The following CLEC1B variants were observed in gnomAD, a reference collection of about 807,000 sequenced individuals.
CLEC1B encodes C-type lectin-like receptor 2.
In CLEC1B, 26 loss-of-function variants were observed where a neutral mutation model predicts 26.7. The ratio of observed to expected loss-of-function variants is 0.97; its 90% confidence interval spans 0.71 to 1.35. CLEC1B has a LOEUF of 1.35. Among genes scored for constraint, CLEC1B ranks in the 40% most tolerant of loss-of-function variants. The probability of loss-of-function intolerance (pLI) is 0.00; values close to 1 mark genes in which losing one functional copy is unlikely to be tolerated. For missense variants in CLEC1B, 293 were observed against 282.6 expected, an observed-to-expected ratio of 1.04 and a Z score of -0.26; for synonymous variants, 112 against 96.0, an observed-to-expected ratio of 1.17 and a Z score of -0.97.
At chr12:9,996,660 G>T (rs1591851006) in intron 4 of CLEC1B, 186 bp downstream of exon 4, 8 of 712,354 alleles carry the variant, frequency 1.1e-5, no homozygotes, top group Non-Finnish European at 2.0e-5. Context: ...CTCTATCAGT[G>T]TTGTAGAATA....
chr12:9,995,075 A>G, intron 5 of CLEC1B, 65 bp downstream of exon 5: 1 of 1,601,786 alleles, frequency 6.2e-7, no homozygotes, highest in East Asian at 2.2e-5. Flanking sequence ...GGACTGAGAG[A>G]AGAGGGAATC....
At position 9,998,216 on chromosome 12, in the gene CLEC1B, G is replaced by A. The variant is rs189286367; in HGVS notation, c.163+66C>T. ...AATAGCGACCATTGAGAAGCTTAGT[G>A]GGATATGCCATGACCCTTCAGTATT... is the stretch of plus-strand genomic sequence containing the variant. On this transcript the variant is annotated intron_variant, in intron 2 of 5. Coordinates refer to ENST00000298527, the MANE Select transcript of CLEC1B (RefSeq NM_016509.4). 1.5e-3 allele frequency: 1,742 copies of A among 1,189,012 alleles called. 5 individuals carry two copies. The highest frequency in any genetic ancestry group is 3.4e-3 in the Admixed American group (200 of 59,238). 73.7% of individuals were successfully genotyped at this position (1,189,012 alleles called of 1,614,324 possible).
At position 9,998,340 on chromosome 12, in the gene CLEC1B, CA is replaced by C; in HGVS notation, c.104del (p.Leu35Ter). On this transcript the variant is annotated frameshift_variant, in exon 2 of 6. Coordinates refer to ENST00000298527, the MANE Select transcript of CLEC1B (RefSeq NM_016509.4). LOFTEE classifies it high-confidence loss of function. ...TCCCCACGCACAGGATCAGCAGAAT[CA>C]AAGCCATCACACGCCACCAGGAGGA... Reference protein sequence around the residue: ...ASSSWWRVMALILLILCVGMV... With the variant: ...ASSSWWRVMAXILLILCVGMV... 1 of 1,614,036 alleles carries C rather than the reference CA, an allele frequency of 6.2e-7. No homozygotes were observed. Among genetic ancestry groups the C allele is most frequent in the Middle Eastern group, 1.6e-4 (1 of 6,062 alleles).
rs139618235 is a variant in CLEC1B at position 9,994,884 on chromosome 12, T to C, written c.545+256A>G. On this transcript the variant is annotated intron_variant, in intron 5 of 5. Coordinates refer to ENST00000298527, the MANE Select transcript of CLEC1B (RefSeq NM_016509.4). ...ACACATACATGCACACAGTGTTCCA[T>C]GGTAAGGTTGAATGTAAAAATGAAT... The C allele has an allele frequency of 1.2e-3, 918 of 790,184 alleles. 6 individuals are homozygous for C. The African/African-American group carries it at 0.014, about 12-fold the overall frequency. 48.9% of individuals were successfully genotyped at this position (790,184 alleles called of 1,614,324 possible).
At chr12:9,997,526 A>T (rs1039368282) in intron 2 of CLEC1B, among the ~76,000 whole-genome samples, 4 of 152,186 alleles carry the variant, frequency 2.6e-5, no homozygotes, top group Admixed American at 2.6e-4. Context: ...AAAAAATCCC[A>T]ACATCGATAA....
At chr12:9,998,986 C>A in intron 1 of CLEC1B, 51 bp downstream of exon 1, 1 of 1,036,806 alleles carries the variant, frequency 9.6e-7, no homozygotes, top group Non-Finnish European at 1.5e-6. Context: ...AGAATTGAAT[C>A]AACTCATTTT....
At chr12:10,000,593 G>A (rs564844), upstream of CLEC1B, among the ~76,000 whole-genome samples, 13,365 of 152,206 alleles carry the variant, frequency 0.088, 789 homozygotes, top group South Asian at 0.32. Context: ...TTGTTGCTGT[G>A]TTTCTTATCT....
In CLEC1B at chr12:9,993,409, A is replaced by AG; in HGVS notation, c.546-123_546-122insC. On this transcript the variant is annotated intron_variant, in intron 5 of 5. Coordinates refer to ENST00000298527, the MANE Select transcript of CLEC1B (RefSeq NM_016509.4). The stretch of plus-strand genomic sequence containing the variant: ...TGAGGAAAATAGGAAAAAAAAACAA[A>AG]AAAAAAAACGATTCTCATTGTTGAG... The AG allele has an allele frequency of 2.7e-6, 2 of 745,462 alleles. 1 individual carries two copies. The highest frequency in any genetic ancestry group is 4.2e-6 in the Non-Finnish European group (2 of 472,562). 46.2% of individuals were successfully genotyped at this position (745,462 alleles called of 1,614,324 possible).
upstream of CLEC1B, among the ~76,000 whole-genome samples, chr12:10,001,263 C>G (rs994723835): frequency 7.9e-5 from 12 of 152,184 alleles, no homozygotes; most frequent in African/African-American, 2.9e-4. Context: ...TTTTTGTAAA[C>G]CACCAGGAAT....
intron 5 of CLEC1B, 82 bp downstream of exon 5, chr12:9,995,058 G>A (rs1225421387): frequency 6.3e-7 from 1 of 1,595,216 alleles, no homozygotes; most frequent in East Asian, 2.3e-5. Flanking sequence ...ACCCATAGTA[G>A]TGACTTGGAC....
chr12:10,000,397 A>G (rs1865144572), upstream of CLEC1B, among the ~76,000 whole-genome samples: 1 of 152,196 alleles, frequency 6.6e-6, no homozygotes, highest in African/African-American at 2.4e-5. Flanking sequence ...TATTTTGAGA[A>G]TGAGGTGAAG....
chr12:9,997,321 C>T (rs776694737), intron 2 of CLEC1B, 42 bp from the exon 3 acceptor site: 2 of 1,558,698 alleles, frequency 1.3e-6, no homozygotes, highest in East Asian at 2.3e-5. Context: ...TAATTAGAAC[C>T]ATAGAAATGA....
At chr12:9,993,405 A>T in intron 5 of CLEC1B, 118 bp from the exon 6 acceptor site, 1 of 668,260 alleles carries the variant, frequency 1.5e-6, no homozygotes, top group Non-Finnish European at 2.3e-6. Context: ...GGAAAAAAAA[A>T]CAAAAAAAAA....
At chr12:9,993,549 G>T (rs1012999393) in intron 5 of CLEC1B, among the ~76,000 whole-genome samples, 1 of 152,124 alleles carries the variant, frequency 6.6e-6, no homozygotes, top group Admixed American at 6.6e-5. Context: ...GAGCCCTGAA[G>T]AAGTGATGGA....
In CLEC1B at chr12:9,996,998, C is replaced by A. The variant is rs777409260; in HGVS notation, c.286G>T (p.Gly96Cys). The A allele has an allele frequency of 1.9e-5, 31 of 1,613,748 alleles. No individual in the cohort carries two copies. Among genetic ancestry groups the A allele is most frequent in the Non-Finnish European group, 2.5e-5 (30 of 1,179,890 alleles). Residue 96 changes from glycine to cysteine, a missense_variant and splice_region_variant, in exon 4 of 6, where the codon GGT (glycine) becomes TGT (cysteine). By Grantham distance (159) the Gly-to-Cys change is radical. Coordinates refer to ENST00000298527, the MANE Select transcript of CLEC1B (RefSeq NM_016509.4). ...KQSELKGTFK[G>C]HKCSPCDTNW... ...GTGTCACAGGGGCTGCATTTATGAC[C>A]TTCTGGAGAAACCAAGCACAGGAAT...
rs748828577 is a variant in CLEC1B, at chr12:9,997,154, A to G, written c.283+6T>C. ...GAGATGAAGAGGTTAAAAAAACAAT[A>G]CTTACTGAAAGTGCCCTTTAGTTCT... On this transcript the variant is annotated splice_donor_region_variant and intron_variant, in intron 3 of 5. Transcript: ENST00000298527. 2 of 1,613,868 alleles carry G rather than the reference A, an allele frequency of 1.2e-6. No individual in the cohort carries two copies. The highest frequency in any genetic ancestry group is 8.5e-7 in the Non-Finnish European group (1 of 1,179,924).
chr12:10,000,183 C>T (rs747227920), upstream of CLEC1B, among the ~76,000 whole-genome samples: 1 of 152,242 alleles, frequency 6.6e-6, no homozygotes. Context: ...AATTTGAATT[C>T]TATTTTTCTT....
In CLEC1B at chr12:9,996,888, G is replaced by A. The variant is rs764809435; in HGVS notation, c.396C>T (p.Asp132=). ...CAATCTTCAGGAGAGTAGCATTCAT[G>A]TCAGTGCAGTACTGCTTACTCTCTT... ...TWEESKQYCT[D]MNATLLKIDN... is the part of the protein sequence containing the mutation. Residue 132 remains aspartate, a synonymous_variant, in exon 4 of 6, where the codon GAC becomes GAT. Transcript: ENST00000298527. The A allele has an allele frequency of 6.2e-7, 1 of 1,613,998 alleles. No individual in the cohort carries two copies. Among genetic ancestry groups the A allele is most frequent in the Non-Finnish European group, 8.5e-7 (1 of 1,179,906 alleles).
At chr12:9,997,045 G>A (rs1865068563) in intron 3 of CLEC1B, 45 bp from the exon 4 acceptor site, 1 of 1,610,110 alleles carries the variant, frequency 6.2e-7, no homozygotes, top group Non-Finnish European at 8.5e-7. Context: ...TCTAAATTGG[G>A]CTTACATTTT....
Sources: gnomAD v4.1 joint callset for allele counts (sites outside exome capture counted in the v4.1 genomes callset) on GRCh38, gnomAD v4.1.1 for gene constraint, MANE v1.5 for transcripts, NCBI Gene and HGNC (gene_info 2026-07-23, HGNC 2026-07-21) for gene names.